Variants in HHAT observed in about 807,000 individuals in gnomAD.
HHAT encodes protein-cysteine N-palmitoyltransferase HHAT.
Under a neutral mutation model 70.8 loss-of-function variants are expected in HHAT, and 47 were observed. The ratio of observed to expected loss-of-function variants is 0.66; its 90% CI spans 0.53 to 0.85. HHAT has a LOEUF of 0.85. Ranked by LOEUF, HHAT falls within the 40% of genes least tolerant of loss-of-function variation. HHAT has a pLI of 0.00. For synonymous variants in HHAT, 228 were observed against 247.6 expected (o/e 0.92, Z 0.74); for missense variants, 609 against 604.8 (o/e 1.01, Z -0.07).
At chr1:210,515,853 A>C (rs926014229) in intron 9 of HHAT, among the ~76,000 whole-genome samples, 6 of 152,040 alleles carry the variant, frequency 3.9e-5, no homozygotes, top group African/African-American at 1.2e-4. Flanking sequence ...AGATCACTTG[A>C]AGCCAGGAAT....
At chr1:210,628,835 A>C (rs1670331551) in intron 11 of HHAT, among the ~76,000 whole-genome samples, 1 of 152,226 alleles carries the variant, frequency 6.6e-6, no homozygotes. Context: ...GTTGTTATTA[A>C]ATAGAAACTC....
intron 9 of HHAT, among the ~76,000 whole-genome samples, chr1:210,526,026 G>A (rs919892210): frequency 2.0e-5 from 3 of 152,164 alleles, no homozygotes; most frequent in African/African-American, 7.2e-5. Flanking sequence ...TTTCTTCCTT[G>A]CAGGAAGAGT....
At chr1:210,352,020 G>T (rs1290661146) in intron 2 of HHAT, among the ~76,000 whole-genome samples, 1 of 152,132 alleles carries the variant, frequency 6.6e-6, no homozygotes, top group Non-Finnish European at 1.5e-5. Flanking sequence ...GGACACTGAG[G>T]CTCAAAAGTA....
At chr1:210,530,876 GA>G (rs144313424) in intron 9 of HHAT, among the ~76,000 whole-genome samples, 2,319 of 147,838 alleles carry the variant, frequency 0.016, 52 homozygotes, top group African/African-American at 0.05. Context: ...GACAGGCTAA[GA>G]AAAAAAAAAT....
At chr1:210,498,748 T>G (rs1198587815) in intron 8 of HHAT, among the ~76,000 whole-genome samples, 2 of 151,866 alleles carry the variant, frequency 1.3e-5, no homozygotes, top group Admixed American at 6.6e-5. Context: ...TATTGCTTCC[T>G]TGCCTTGCAG....
At chr1:210,359,568 A>G (rs918487527) in intron 2 of HHAT, among the ~76,000 whole-genome samples, 1 of 152,092 alleles carries the variant, frequency 6.6e-6, no homozygotes, top group Non-Finnish European at 1.5e-5. Context: ...ACTCCCTATG[A>G]TTTCATCTCC....
At chr1:210,579,451 C>T (rs75762764) in intron 9 of HHAT, among the ~76,000 whole-genome samples, 4,526 of 152,074 alleles carry the variant, frequency 0.03, 258 homozygotes, top group African/African-American at 0.1. Context: ...CTATAGTTAA[C>T]GATACTGTAT....
At chr1:210,429,119 T>C (rs900526436) in intron 7 of HHAT, among the ~76,000 whole-genome samples, 1 of 151,872 alleles carries the variant, frequency 6.6e-6, no homozygotes, top group Non-Finnish European at 1.5e-5. Context: ...CCAATTCTTA[T>C]GAGAAATTTT....
intron 9 of HHAT, among the ~76,000 whole-genome samples, chr1:210,568,461 T>C (rs1280600087): frequency 6.6e-6 from 1 of 152,194 alleles, no homozygotes; most frequent in Non-Finnish European, 1.5e-5. Flanking sequence ...ATGTTACCGA[T>C]GGAGGGTGTC....
At chr1:210,569,399 A>AAAAAAAAAAAAAAAAAAAAAG in intron 9 of HHAT, among the ~76,000 whole-genome samples, 1 of 148,368 alleles carries the variant, frequency 6.7e-6, no homozygotes. Flanking sequence ...AAAAAAAAAA[A>AAAAAAAAAAAAAAAAAAAAAG]GCGTATAGCA....
intron 11 of HHAT, among the ~76,000 whole-genome samples, chr1:210,652,868 C>A (rs936660730): frequency 7.9e-5 from 12 of 152,178 alleles, no homozygotes; most frequent in Non-Finnish European, 1.6e-4. Flanking sequence ...CTCATAGATT[C>A]CTGTAGAAGT....
chr1:210,658,427 A>C (rs1676927951), intron 11 of HHAT, among the ~76,000 whole-genome samples: 1 of 152,180 alleles, frequency 6.6e-6, no homozygotes, highest in African/African-American at 2.4e-5. Context: ...TCATCCATCA[A>C]CTGCTACTTC....
chr1:210,378,503 A>G (rs2090398737), intron 3 of HHAT, among the ~76,000 whole-genome samples: 1 of 151,730 alleles, frequency 6.6e-6, no homozygotes, highest in South Asian at 2.1e-4. Context: ...AATGAAAAAT[A>G]TAAACTGGTT....
At chr1:210,570,986 G>C (rs1025005708) in intron 9 of HHAT, among the ~76,000 whole-genome samples, 1 of 152,180 alleles carries the variant, frequency 6.6e-6, no homozygotes, top group Non-Finnish European at 1.5e-5. Context: ...TTCTCTCCTG[G>C]CCTTCTCATT....
intron 8 of HHAT, among the ~76,000 whole-genome samples, chr1:210,474,610 C>T (rs1288240728): frequency 6.6e-6 from 1 of 152,142 alleles, no homozygotes; most frequent in Non-Finnish European, 1.5e-5. Context: ...CATCCTCCAG[C>T]GGCATGCATT....
chr1:210,359,921 A>G (rs762949520), intron 2 of HHAT, among the ~76,000 whole-genome samples: 3 of 152,160 alleles, frequency 2.0e-5, no homozygotes, highest in Non-Finnish European at 4.4e-5. Context: ...TTTCGGTAAT[A>G]ATAAAACTCC....
At chr1:210,485,305 T>C (rs922909317) in intron 8 of HHAT, among the ~76,000 whole-genome samples, 5 of 152,204 alleles carry the variant, frequency 3.3e-5, no homozygotes, top group Admixed American at 2.6e-4. Flanking sequence ...CTGATCACTC[T>C]GAGGCAAGTC....
At chr1:210,628,959 G>A (rs1429824388) in intron 11 of HHAT, among the ~76,000 whole-genome samples, 3 of 152,224 alleles carry the variant, frequency 2.0e-5, no homozygotes, top group South Asian at 4.2e-4. Flanking sequence ...ACTTTGTTTC[G>A]CGGTCTTTCC....
intron 1 of HHAT, among the ~76,000 whole-genome samples, chr1:210,339,413 G>A (rs1032537810): frequency 3.5e-5 from 4 of 113,000 alleles, no homozygotes; most frequent in African/African-American, 1.4e-4. Flanking sequence ...CTCCCATAAA[G>A]AAGTATGGTC....
Sources: allele counts gnomAD v4.1 joint callset (sites outside exome capture counted in the v4.1 genomes callset), GRCh38; gene constraint gnomAD v4.1.1; transcripts MANE v1.5; gene names NCBI Gene and HGNC (gene_info 2026-07-23, HGNC 2026-07-21).